Variants in BEND7 observed in about 807,000 individuals in gnomAD.
BEND7 encodes BEN domain-containing protein 7.
A neutral mutation model predicts 50.9 loss-of-function variants in BEND7; 28 were observed. That is an observed-to-expected ratio of 0.55 (90% CI 0.41 to 0.75). BEND7 has a LOEUF of 0.75. Ranked by LOEUF, BEND7 falls within the 30% of genes least tolerant of loss-of-function variation. The pLI, the probability that BEND7 is intolerant of heterozygous loss-of-function variation, is 0.00. For synonymous variants in BEND7, 170 were observed against 183.9 expected (o/e 0.92, Z 0.61); for missense variants, 477 against 491.3 (o/e 0.97, Z 0.28).
intron 2 of BEND7, among the ~76,000 whole-genome samples, chr10:13,514,962 G>A (rs2078557073): frequency 6.6e-6 from 1 of 152,134 alleles, no homozygotes; most frequent in South Asian, 2.1e-4. Flanking sequence ...CAACTTCATA[G>A]TCTATTCTAT....
intron 3 of BEND7, among the ~76,000 whole-genome samples, chr10:13,497,188 G>A (rs1351747764): frequency 3.9e-5 from 6 of 152,206 alleles, no homozygotes; most frequent in Non-Finnish European, 8.8e-5. Flanking sequence ...TATTGTCAGA[G>A]CTGTTCATCT....
At chr10:13,488,668 C>T (rs988514580) in intron 5 of BEND7, among the ~76,000 whole-genome samples, 2 of 151,900 alleles carry the variant, frequency 1.3e-5, no homozygotes, top group African/African-American at 4.8e-5. Context: ...TTTTTATTTT[C>T]AGTAGAGACG....
intron 6 of BEND7, chr10:13,480,632 G>C: frequency 1.0e-6 from 1 of 983,870 alleles, no homozygotes; most frequent in Non-Finnish European, 1.2e-6. Context: ...TAAAAGTCAA[G>C]AAAAAACTTC....
At chr10:13,461,710 G>A (rs1840240996) in intron 6 of BEND7, among the ~76,000 whole-genome samples, 1 of 148,518 alleles carries the variant, frequency 6.7e-6, no homozygotes, top group Admixed American at 6.8e-5. Context: ...TCCAGCCTGG[G>A]AGACAGAGCG....
rs774483353 is a variant in BEND7 at position 13,500,052 on chromosome 10, T to A, written c.174A>T (p.Gln58His). The A allele has an allele frequency of 1.3e-6, 2 of 1,597,976 alleles. No homozygotes were observed. The highest frequency in any genetic ancestry group is 2.7e-5 in the African/African-American group (2 of 74,396). Residue 58 changes from glutamine to histidine, a missense_variant, in exon 3 of 9, where the codon CAA becomes CAT. By Grantham distance (24) the Gln-to-His change is conservative. Transcript: ENST00000466271. ...LGDESMEIKKQITGMRRLLND... is the reference protein window; with the variant it reads ...LGDESMEIKKHITGMRRLLND... ...TCAGCAATCTTCTCATCCCTGTAAT[T>A]TGCTTTTTTATTTCCATGCTTTCAT...
intron 6 of BEND7, among the ~76,000 whole-genome samples, chr10:13,473,187 G>A (rs1413418853): frequency 2.0e-5 from 3 of 151,546 alleles, no homozygotes; most frequent in Admixed American, 6.6e-5. Flanking sequence ...TATCATCATC[G>A]CTGTTAGACT....
intron 7 of BEND7, among the ~76,000 whole-genome samples, chr10:13,449,223 CATT>C (rs1837142623): frequency 6.6e-6 from 1 of 151,990 alleles, no homozygotes; most frequent in African/African-American, 2.4e-5. Context: ...ATTTAGAAGA[CATT>C]ATTTTCTTCT....
chr10:13,500,878 T>C (rs983515271), intron 2 of BEND7: 8 of 979,744 alleles, frequency 8.2e-6, no homozygotes, highest in Non-Finnish European at 8.5e-6. Context: ...CCTCCTCCCA[T>C]GCCAAACGCA....
Position 13,488,489 on chromosome 10 carries a change from CT to C in BEND7, c.837+4121del, listed in dbSNP as rs139547797. Among the ~76,000 whole-genome samples the C allele has an allele frequency of 2.2e-3, 331 of 151,944 alleles. 1 individual carries two copies. Among genetic ancestry groups the C allele is most frequent in the Non-Finnish European group, 2.9e-3 (196 of 67,966 alleles). ...AAGAAAGAATTAAATACTGTATTTT[CT>C]TTTTTTCTTTTTTTTTGAGATGGAG... On this transcript the variant is annotated intron_variant, in intron 5 of 8. Coordinates refer to ENST00000466271, the MANE Select transcript of BEND7 (RefSeq NM_001369863.1).
intron 6 of BEND7, among the ~76,000 whole-genome samples, chr10:13,454,374 G>A (rs767382183): frequency 3.6e-4 from 55 of 152,180 alleles, no homozygotes; most frequent in Non-Finnish European, 5.3e-4. Flanking sequence ...ATGAGGCTAA[G>A]GTGGGGGGCG....
intron 6 of BEND7, 124 bp from the exon 7 acceptor site, chr10:13,452,782 G>A: frequency 1.2e-6 from 1 of 845,166 alleles, no homozygotes; most frequent in Non-Finnish European, 1.7e-6. Context: ...TGCACGATAT[G>A]TCTTCGGTAT....
chr10:13,463,004 C>T (rs1253533355), intron 6 of BEND7, among the ~76,000 whole-genome samples: 1 of 152,172 alleles, frequency 6.6e-6, no homozygotes, highest in Non-Finnish European at 1.5e-5. Flanking sequence ...GAAAAACCAT[C>T]CTTGATCTAC....
At chr10:13,504,286 C>A (rs372912064) in intron 2 of BEND7, among the ~76,000 whole-genome samples, 41 of 152,298 alleles carry the variant, frequency 2.7e-4, no homozygotes, top group African/African-American at 9.6e-4. Flanking sequence ...ACTACGCCCA[C>A]CTGCTACTGG....
intron 2 of BEND7, among the ~76,000 whole-genome samples, chr10:13,504,654 A>G (rs2077737319): frequency 2.0e-5 from 3 of 152,228 alleles, no homozygotes; most frequent in Admixed American, 1.3e-4. Context: ...CTCTCTAGCG[A>G]GACAGGATGC....
intron 6 of BEND7, among the ~76,000 whole-genome samples, chr10:13,473,118 C>G (rs191579267): frequency 5.3e-5 from 8 of 151,952 alleles, no homozygotes; most frequent in African/African-American, 1.9e-4. Flanking sequence ...GGGTCAATAA[C>G]CATCATCACT....
At position 13,481,048 on chromosome 10, in the gene BEND7, G is replaced by C. The variant is rs2075818392; in HGVS notation, c.914C>G (p.Thr305Ser). ...TCTAAACAGAAGGCTTCCTGAGCGA[G>C]TGTAGTTTGACAATATAGAGTCCAG... ...SQLDSILSNY[T>S]RSGSLLFRKL... The change falls in exon 6 of 9, where the codon ACT becomes AGT. Residue 305 changes from threonine to serine, a missense_variant. Coordinates refer to ENST00000466271, the MANE Select transcript of BEND7 (RefSeq NM_001369863.1). 1 of 1,614,022 alleles carries C rather than the reference G, an allele frequency of 6.2e-7. No homozygotes were observed. The highest frequency in any genetic ancestry group is 1.7e-5 in the Admixed American group (1 of 60,000).
At chr10:13,484,729 A>G (rs1486863050) in intron 5 of BEND7, among the ~76,000 whole-genome samples, 7 of 152,260 alleles carry the variant, frequency 4.6e-5, no homozygotes, top group Non-Finnish European at 1.0e-4. Context: ...ATAACAATCT[A>G]AAGTTGGGGC....
intron 6 of BEND7, among the ~76,000 whole-genome samples, chr10:13,469,537 C>T (rs763667448): frequency 5.3e-5 from 8 of 152,154 alleles, no homozygotes; most frequent in Non-Finnish European, 1.2e-4. Context: ...ACTGCAGTGG[C>T]GTGATCTCGG....
intron 8 of BEND7, 92 bp downstream of exon 8, chr10:13,447,174 G>C (rs1322647818): frequency 1.5e-6 from 2 of 1,349,868 alleles, no homozygotes; most frequent in African/African-American, 1.5e-5. Context: ...TCAAGTGTCT[G>C]CATGTCTAAT....
Sources: gnomAD v4.1 joint callset for allele counts (sites outside exome capture counted in the v4.1 genomes callset) on GRCh38, gnomAD v4.1.1 for gene constraint, MANE v1.5 for transcripts, NCBI Gene and HGNC (gene_info 2026-07-23, HGNC 2026-07-21) for gene names.